The following MYO19 variants were observed in gnomAD, a reference collection of about 807,000 sequenced individuals.
The protein encoded by MYO19 is unconventional myosin-XIX.
In MYO19, 132 loss-of-function variants were observed where a neutral mutation model predicts 129.2. The ratio of observed to expected loss-of-function variants is 1.02; its 90% CI spans 0.89 to 1.18. The LOEUF (loss-of-function observed/expected upper bound fraction) is 1.18. Among genes scored for constraint, MYO19 ranks in the 50% most tolerant of loss-of-function variants. The pLI is 0.00. For missense variants in MYO19, 1,210 were observed against 1,216.7 expected, an observed-to-expected ratio of 0.99 and a Z score of 0.08; for synonymous variants, 531 against 477.2, an observed-to-expected ratio of 1.11 and a Z score of -1.47.
rs1324865858 is a variant in MYO19, at chr17:36,507,893, A to G, written c.1263T>C (p.Phe421=). ...ACAACTGTTCCAGACTGTTGTCAGG[A>G]AATGATTCAAATCCATACACATCCA... is the stretch of plus-strand genomic sequence containing the variant. ...GLLDVYGFES[F]PDNSLEQLCI... is the part of the protein sequence containing the mutation. Residue 421 remains phenylalanine, a synonymous_variant, in exon 15 of 26, where the codon TTT becomes TTC. Coordinates refer to ENST00000614623, the MANE Select transcript of MYO19 (RefSeq NM_001163735.2). 6.2e-7 allele frequency: 1 copy of G among 1,612,014 alleles called. No homozygotes were observed. Among genetic ancestry groups the G allele is most frequent in the South Asian group, 1.1e-5 (1 of 90,930 alleles).
intron 11 of MYO19, chr17:36,513,054 G>A: frequency 8.5e-7 from 1 of 1,176,916 alleles, no homozygotes; most frequent in Non-Finnish European, 1.1e-6. Flanking sequence ...CACACACAGA[G>A]GACTGTTTAA....
intron 6 of MYO19, among the ~76,000 whole-genome samples, chr17:36,523,070 C>T (rs1296888623): frequency 6.6e-6 from 1 of 150,868 alleles, no homozygotes; most frequent in Non-Finnish European, 1.5e-5. Context: ...ATCTGTAATC[C>T]CAGCTACTCG....
chr17:36,529,668 C>G (rs1258790027), intron 3 of MYO19, among the ~76,000 whole-genome samples: 1 of 151,992 alleles, frequency 6.6e-6, no homozygotes. Context: ...GAGGTCAGAG[C>G]ACAGCTATAT....
chr17:36,503,075 C>T (rs1207842235), intron 21 of MYO19, 22 bp downstream of exon 21: 4 of 1,595,604 alleles, frequency 2.5e-6, no homozygotes, highest in Non-Finnish European at 3.4e-6. Context: ...GCACAAATGA[C>T]TAACTCATGG....
At chr17:36,535,031 T>A (rs1430861323), upstream of MYO19, 1 of 152,350 alleles carries the variant, frequency 6.6e-6, no homozygotes, top group African/African-American at 2.4e-5. Flanking sequence ...GGACGCCTGG[T>A]CCGGCTTGCT....
intron 21 of MYO19, 46 bp from the exon 22 acceptor site, chr17:36,501,281 G>A (rs2071509201): frequency 6.4e-7 from 1 of 1,557,392 alleles, no homozygotes; most frequent in Non-Finnish European, 8.7e-7. Context: ...ATCTCTACAT[G>A]CCTCTGTGGC....
At chr17:36,497,999 A>G in intron 25 of MYO19, 1 of 474,168 alleles carries the variant, frequency 2.1e-6, no homozygotes, top group East Asian at 3.3e-5. Flanking sequence ...GCAGCATTGC[A>G]TTTGGAAATG....
intron 21 of MYO19, chr17:36,501,828 G>T (rs900252947): frequency 6.6e-6 from 1 of 152,234 alleles, no homozygotes; most frequent in African/African-American, 2.4e-5. Context: ...TCGCAGAGCT[G>T]ACTCCTGGAG....
At chr17:36,497,185 A>AT (rs1489175222) in intron 25 of MYO19, among the ~76,000 whole-genome samples, 1 of 151,708 alleles carries the variant, frequency 6.6e-6, no homozygotes, top group East Asian at 1.9e-4. Flanking sequence ...CAAAAAAAAA[A>AT]ATATAGCCAG....
chr17:36,509,053 C>T lies in MYO19; in HGVS notation c.1231+9G>A, dbSNP rs1316788922. 1.2e-6 allele frequency: 2 copies of T among 1,612,820 alleles called. No homozygotes were observed. The highest frequency in any genetic ancestry group is 1.7e-6 in the Non-Finnish European group (2 of 1,179,180). The stretch of plus-strand genomic sequence containing the variant: ...CTGGAGTGCTCCCAGCACAGTGAGG[C>T]CTTGCTACCTATGAAAGTGGTCCAC... On this transcript the variant is annotated intron_variant, in intron 14 of 25. Coordinates refer to ENST00000614623, the MANE Select transcript of MYO19 (RefSeq NM_001163735.2).
At chr17:36,519,758 C>T (rs2073026931) in intron 6 of MYO19, among the ~76,000 whole-genome samples, 1 of 151,980 alleles carries the variant, frequency 6.6e-6, no homozygotes, top group African/African-American at 2.4e-5. Context: ...TCTTGCAGTG[C>T]AAGTCTGCAG....
At chr17:36,515,715 T>G in intron 7 of MYO19, 143 bp downstream of exon 7, 1 of 785,014 alleles carries the variant, frequency 1.3e-6, no homozygotes, top group Middle Eastern at 3.7e-4. Flanking sequence ...CAGGGAGAGG[T>G]TGGGGATCTG....
rs2074201076 is a variant in MYO19, at chr17:36,542,258, C to G, written n.311-93G>C. ...TTATGTTTTATATATGTTTTAATAC[C>G]TTTTCACAGATTTAAATCCCCAGGG... On this transcript the variant is annotated intron_variant and non_coding_transcript_variant, in intron 1 of 2. Transcript: ENST00000610496. 1.3e-5 allele frequency: 2 copies of G among 152,074 alleles called. 1 individual carries two copies. Among genetic ancestry groups the G allele is most frequent in the South Asian group, 4.1e-4 (2 of 4,824 alleles). 9.4% of individuals were successfully genotyped at this position (152,074 alleles called of 1,614,324 possible). A position where few individuals can be genotyped will look rare whatever the true frequency, so the allele number is the denominator to read the frequency against.
At chr17:36,524,197 T>C (rs1317125123) in intron 6 of MYO19, among the ~76,000 whole-genome samples, 2 of 152,104 alleles carry the variant, frequency 1.3e-5, no homozygotes, top group Admixed American at 1.3e-4. Context: ...AGAGATCCCC[T>C]CCTAACCCAA....
chr17:36,515,980 G>A lies in MYO19; in HGVS notation c.425C>T (p.Ser142Phe), dbSNP rs375068557. 2.1e-5 allele frequency: 34 copies of A among 1,611,800 alleles called. No individual in the cohort carries two copies. The African/African-American group carries it at 4.1e-4, about 20-fold the overall frequency. The change falls in exon 7 of 26, where the codon TCT (serine) becomes TTT (phenylalanine). Residue 142 changes from serine to phenylalanine, a missense_variant. Coordinates refer to ENST00000614623, the MANE Select transcript of MYO19 (RefSeq NM_001163735.2). ...AGCATAGAACTTCATTAGGCAGCGA[G>A]ACGTCCATGTCTGTGGCAGAAACAG... ...GESGAGKTWT[S>F]RCLMKFYAVV...
intron 6 of MYO19, among the ~76,000 whole-genome samples, chr17:36,519,691 G>A (rs1201377528): frequency 6.7e-6 from 1 of 150,292 alleles, no homozygotes; most frequent in African/African-American, 2.4e-5. Context: ...ACCCCTTTGT[G>A]TAGATCCAAA....
chr17:36,498,327 C>G lies in MYO19; in HGVS notation c.2696G>C (p.Ser899Thr), dbSNP rs2071195051. The G allele has an allele frequency of 6.2e-7, 1 of 1,613,882 alleles. No individual in the cohort carries two copies. The highest frequency in any genetic ancestry group is 8.5e-7 in the Non-Finnish European group (1 of 1,179,908). The part of the protein sequence containing the change: ...CLQLPRGSPS[S>T]YTVQTAQDQA... Reference sequence around the variant, plus strand: ...GTCTTGTGCTGTCTGGACAGTGTAGCTACTGGGGCTGCCCCTGGGGAGCTG... The same window carrying G: ...GTCTTGTGCTGTCTGGACAGTGTAGGTACTGGGGCTGCCCCTGGGGAGCTG... The change falls in exon 25 of 26, where the codon AGC (serine) becomes ACC (threonine). Residue 899 changes from serine (S) to threonine (T), a missense_variant. Ser to Thr is a moderately conservative substitution (Grantham distance 58). Transcript: ENST00000614623.
intron 7 of MYO19, among the ~76,000 whole-genome samples, chr17:36,515,516 A>T (rs1451447237): frequency 2.0e-5 from 3 of 152,238 alleles, no homozygotes; most frequent in Admixed American, 2.0e-4. Context: ...GTGCCAACAC[A>T]AACACTAATC....
At chr17:36,538,734 C>T (rs2074177852), upstream of MYO19, 1 of 864,512 alleles carries the variant, frequency 1.2e-6, no homozygotes, top group Non-Finnish European at 1.8e-6. Context: ...TAGTTTCAGT[C>T]ATCTAAACAG....
Sources: allele counts gnomAD v4.1 joint callset (sites outside exome capture counted in the v4.1 genomes callset), GRCh38; gene constraint gnomAD v4.1.1; transcripts MANE v1.5; gene names NCBI Gene and HGNC (gene_info 2026-07-23, HGNC 2026-07-21).